PIGU: variants seen among roughly 807,000 people sequenced by gnomAD.
The protein encoded by PIGU is GPI-anchor transamidase component PIGU.
PIGU carries 24 observed loss-of-function variants against 49.9 expected under a neutral mutation model. That is an observed-to-expected ratio of 0.48 (90% CI 0.35 to 0.68). The LOEUF (loss-of-function observed/expected upper bound fraction) is 0.68. Ranked by LOEUF, PIGU falls within the 30% of genes least tolerant of loss-of-function variation. The probability of loss-of-function intolerance (pLI) is 0.01; values close to 1 mark genes in which losing one functional copy is unlikely to be tolerated. For synonymous variants in PIGU, 220 were observed against 205.7 expected (o/e 1.07, Z -0.59); for missense variants, 490 against 532.6 (o/e 0.92, Z 0.79).
At chr20:34,564,084 G>C (rs941877089) in intron 11 of PIGU, among the ~76,000 whole-genome samples, 8 of 152,132 alleles carry the variant, frequency 5.3e-5, no homozygotes, top group African/African-American at 1.4e-4. Flanking sequence ...AAGAAGAAAA[G>C]CAGAAGACAC....
At chr20:34,656,609 T>C (rs992877793) in intron 2 of PIGU, among the ~76,000 whole-genome samples, 1 of 151,894 alleles carries the variant, frequency 6.6e-6, no homozygotes, top group African/African-American at 2.4e-5. Context: ...AGAGCTAATT[T>C]TAAATAAAAA....
intron 6 of PIGU, among the ~76,000 whole-genome samples, chr20:34,633,949 T>A (rs906300588): frequency 6.6e-6 from 1 of 152,164 alleles, no homozygotes; most frequent in Admixed American, 6.5e-5. Flanking sequence ...AAATATAATA[T>A]AAGGTCTTAT....
Position 34,566,165 on chromosome 20 carries a change from A to T in PIGU, c.1195-5186T>A, listed in dbSNP as rs145763991. On this transcript the variant is annotated intron_variant, in intron 11 of 11. Coordinates refer to ENST00000217446, the MANE Select transcript of PIGU (RefSeq NM_080476.5). ...CCCCTGCCCTGCCCAGCAGCGCTGC[A>T]GCTCCCACCTATCCCTCAGAGGCTC... Among the ~76,000 whole-genome samples, 11 of 152,270 alleles carry T rather than the reference A, an allele frequency of 7.2e-5. No homozygotes were observed. The East Asian group carries it at 2.1e-3, about 29-fold the overall frequency.
In PIGU at chr20:34,560,940, G is replaced by T; in HGVS notation, c.1234C>A (p.Arg412=). 1.2e-6 allele frequency: 2 copies of T among 1,612,952 alleles called. No individual in the cohort carries two copies. The highest frequency in any genetic ancestry group is 1.7e-6 in the Non-Finnish European group (2 of 1,179,126). ...AGGCCATGTGTGAGGTAGTACTCCC[G>T]CCGCAGGAAGGCATAGAAGTAATCA... ...ISDYFYAFLR[R]EYYLTHGLYL... Residue 412 remains arginine, a synonymous_variant, in exon 12 of 12, where the codon CGG becomes AGG. Coordinates refer to ENST00000217446, the MANE Select transcript of PIGU (RefSeq NM_080476.5).
intron 6 of PIGU, among the ~76,000 whole-genome samples, chr20:34,618,912 T>C (rs1404630669): frequency 4.6e-5 from 7 of 152,230 alleles, no homozygotes; most frequent in African/African-American, 1.7e-4. Context: ...GAAGAGATTA[T>C]TGATGAGATC....
chr20:34,675,285 TG>T (rs1987465156), intron 1 of PIGU, among the ~76,000 whole-genome samples: 2 of 127,312 alleles, frequency 1.6e-5, no homozygotes, highest in Admixed American at 1.6e-4. Context: ...AGAGAGAAAA[TG>T]TGGAAAAACC....
At chr20:34,615,753 G>GA (rs1419278718) in intron 7 of PIGU, among the ~76,000 whole-genome samples, 2 of 152,130 alleles carry the variant, frequency 1.3e-5, no homozygotes, top group South Asian at 2.1e-4. Context: ...TTATTCGACA[G>GA]AAAAAACATA....
Position 34,644,185 on chromosome 20 carries a change from G to T in PIGU, c.297C>A (p.Ile99=), listed in dbSNP as rs1217229350. The T allele has an allele frequency of 6.2e-6, 10 of 1,611,190 alleles. No homozygotes were observed. The highest frequency in any genetic ancestry group is 8.5e-6 in the Non-Finnish European group (10 of 1,177,474). Residue 99 remains isoleucine, a synonymous_variant, in exon 4 of 12, where the codon ATC becomes ATA. Coordinates refer to ENST00000217446, the MANE Select transcript of PIGU (RefSeq NM_080476.5). ...ALTAIALYFA[I]QDFNKVVFKK... ...TTACCACAACTTTATTGAAGTCCTG[G>T]ATTGCAAAATACAGGGCAATAGCAG...
Position 34,657,253 on chromosome 20 carries a change from T to C in PIGU, c.131-9A>G. The C allele has an allele frequency of 6.2e-7, 1 of 1,607,708 alleles. No individual in the cohort carries two copies. Among genetic ancestry groups the C allele is most frequent in the Non-Finnish European group, 8.5e-7 (1 of 1,174,472 alleles). On this transcript the variant is annotated splice_polypyrimidine_tract_variant and intron_variant, in intron 1 of 11. Transcript: ENST00000217446. ...TGAAAGGCCTTCAACCACTGAAAAA[T>C]TAGATATACAAGTTCACTCAGACTA...
chr20:34,619,664 C>A (rs1985135350), intron 6 of PIGU, among the ~76,000 whole-genome samples: 1 of 152,132 alleles, frequency 6.6e-6, no homozygotes, highest in Non-Finnish European at 1.5e-5. Context: ...CCATCTCTTG[C>A]CCTAATTGCC....
intron 6 of PIGU, among the ~76,000 whole-genome samples, chr20:34,627,536 A>G (rs955035749): frequency 2.0e-5 from 3 of 152,258 alleles, no homozygotes; most frequent in African/African-American, 7.2e-5. Context: ...TCCCCAAACA[A>G]AAACCTTTTC....
At chr20:34,638,857 T>C (rs1454689589) in intron 4 of PIGU, among the ~76,000 whole-genome samples, 2 of 152,160 alleles carry the variant, frequency 1.3e-5, no homozygotes, top group Non-Finnish European at 2.9e-5. Context: ...TAAGCAAACA[T>C]GGGTCAGAAT....
Position 34,675,248 on chromosome 20 carries a change from C to CA in PIGU, c.130+1707dup, listed in dbSNP as rs71196751. Among the ~76,000 whole-genome samples, 125 of 70,186 alleles carry CA rather than the reference C, an allele frequency of 1.8e-3. 1 individual carries two copies. Among genetic ancestry groups the CA allele is most frequent in the East Asian group, 3.3e-3 (8 of 2,408 alleles). 46.0% of individuals were successfully genotyped at this position (70,186 alleles called of 152,430 possible). A position where few individuals can be genotyped will look rare whatever the true frequency, so the allele number is the denominator to read the frequency against. ...GGGCAATGAGAGTGAAACTCCATCTCAAAAAAAAAAAAAAAAAAAAAGAGA... is the reference window on the plus strand; with the variant it reads ...GGGCAATGAGAGTGAAACTCCATCTCAAAAAAAAAAAAAAAAAAAAAAGAGA... On this transcript the variant is annotated intron_variant, in intron 1 of 11. Transcript: ENST00000217446.
intron 6 of PIGU, among the ~76,000 whole-genome samples, chr20:34,628,890 TG>T (rs1272764696): frequency 2.6e-5 from 4 of 152,146 alleles, no homozygotes; most frequent in Non-Finnish European, 5.9e-5. Flanking sequence ...ATATGTTATA[TG>T]TAGTAGGTTG....
chr20:34,664,975 G>A (rs201990054), intron 1 of PIGU, among the ~76,000 whole-genome samples: 9 of 151,262 alleles, frequency 5.9e-5, no homozygotes, highest in South Asian at 2.1e-4. Context: ...GCCAGACCCC[G>A]TCTCAAAAAA....
chr20:34,644,359 C>T (rs976105749), intron 3 of PIGU, 133 bp from the exon 4 acceptor site: 2 of 662,932 alleles, frequency 3.0e-6, no homozygotes, highest in South Asian at 3.7e-5. Context: ...GGTAGAACTT[C>T]AACCCTCACT....
intron 6 of PIGU, among the ~76,000 whole-genome samples, chr20:34,625,426 C>G (rs1985441584): frequency 6.8e-6 from 1 of 147,498 alleles, no homozygotes; most frequent in African/African-American, 2.5e-5. Flanking sequence ...GGAAATAAAA[C>G]TCACCCATGA....
chr20:34,598,573 A>G (rs1261601286), intron 7 of PIGU, among the ~76,000 whole-genome samples: 1 of 152,248 alleles, frequency 6.6e-6, no homozygotes, highest in African/African-American at 2.4e-5. Flanking sequence ...TTAGTGAGCC[A>G]GGCCCAAAGC....
At position 34,645,363 on chromosome 20, in the gene PIGU, A is replaced by G. The variant is rs779101861; in HGVS notation, c.196-29T>C. On this transcript the variant is annotated intron_variant, in intron 2 of 11. Coordinates refer to ENST00000217446, the MANE Select transcript of PIGU (RefSeq NM_080476.5). Reference sequence around the variant, plus strand: ...CAGAAAAAAAACAGACATGTAAAAAAAATTAAGTTAAACCTTACTATTATC... The same window carrying G: ...CAGAAAAAAAACAGACATGTAAAAAGAATTAAGTTAAACCTTACTATTATC... The G allele has an allele frequency of 3.2e-6, 5 of 1,549,382 alleles. No individual in the cohort carries two copies. The South Asian group carries it at 6.2e-5, about 19-fold the overall frequency.
Sources: gnomAD v4.1 joint callset for allele counts (sites outside exome capture counted in the v4.1 genomes callset) on GRCh38, gnomAD v4.1.1 for gene constraint, MANE v1.5 for transcripts, NCBI Gene and HGNC (gene_info 2026-07-23, HGNC 2026-07-21) for gene names.